Variants in SHROOM3 observed in about 807,000 individuals in gnomAD.
SHROOM3 encodes the protein protein Shroom3.
In SHROOM3, 47 loss-of-function variants were observed where a neutral mutation model predicts 138.6. That is an observed-to-expected ratio of 0.34 (90% CI 0.27 to 0.43). SHROOM3 has a LOEUF of 0.43. Ranked by LOEUF, SHROOM3 falls within the 20% of genes least tolerant of loss-of-function variation. The probability of loss-of-function intolerance (pLI) is 1.00; values close to 1 mark genes in which losing one functional copy is unlikely to be tolerated. For synonymous variants in SHROOM3, 1,062 were observed against 1,063.3 expected (o/e 1.00, Z 0.02); for missense variants, 2,491 against 2,596.5 (o/e 0.96, Z 0.88).
chr4:76,713,109 G>A (rs1263830526), intron 3 of SHROOM3, among the ~76,000 whole-genome samples: 1 of 152,220 alleles, frequency 6.6e-6, no homozygotes, highest in Non-Finnish European at 1.5e-5. Context: ...GAACGTGAAG[G>A]CCGGTACTGT....
chr4:76,757,157 C>T (rs1578023979), intron 8 of SHROOM3: 1 of 577,186 alleles, frequency 1.7e-6, no homozygotes, highest in Non-Finnish European at 3.0e-6. Flanking sequence ...TAATAATTGC[C>T]ATTAGTACCC....
At chr4:76,654,933 G>A (rs1417385250) in intron 2 of SHROOM3, among the ~76,000 whole-genome samples, 1 of 152,164 alleles carries the variant, frequency 6.6e-6, no homozygotes, top group East Asian at 1.9e-4. Context: ...CAGGATTTGA[G>A]ATCTATTTGA....
At chr4:76,772,348 C>T (rs1165015859) in intron 10 of SHROOM3, among the ~76,000 whole-genome samples, 1 of 152,116 alleles carries the variant, frequency 6.6e-6, no homozygotes, top group Non-Finnish European at 1.5e-5. Flanking sequence ...AGGTGATCCA[C>T]CTGCCTTGGC....
At chr4:76,612,635 G>A (rs965358981) in intron 2 of SHROOM3, among the ~76,000 whole-genome samples, 1 of 152,100 alleles carries the variant, frequency 6.6e-6, no homozygotes, top group African/African-American at 2.4e-5. Flanking sequence ...TTAGTTACAT[G>A]TTACAAATAC....
chr4:76,766,487 A>G (rs1722159703), intron 9 of SHROOM3, among the ~76,000 whole-genome samples: 1 of 152,232 alleles, frequency 6.6e-6, no homozygotes, highest in African/African-American at 2.4e-5. Context: ...ACTCGTATAA[A>G]TAGCATCTCA....
At chr4:76,639,747 C>A in intron 2 of SHROOM3, 1 of 396,128 alleles carries the variant, frequency 2.5e-6, no homozygotes, top group South Asian at 1.4e-4. Context: ...CAGCGTTACT[C>A]TTCCTTCCCC....
chr4:76,546,631 T>C (rs553120712), intron 1 of SHROOM3, among the ~76,000 whole-genome samples: 2 of 152,338 alleles, frequency 1.3e-5, no homozygotes, highest in East Asian at 3.9e-4. Flanking sequence ...CAAACGGCTT[T>C]GTTTGAGAGA....
chr4:76,446,160 G>A (rs1003889969), intron 1 of SHROOM3, among the ~76,000 whole-genome samples: 1 of 152,130 alleles, frequency 6.6e-6, no homozygotes, highest in South Asian at 2.1e-4. Flanking sequence ...TCCTATAGGT[G>A]GAGAGACTGG....
chr4:76,469,916 A>G (rs1731333475), intron 1 of SHROOM3, among the ~76,000 whole-genome samples: 1 of 152,122 alleles, frequency 6.6e-6, no homozygotes, highest in Non-Finnish European at 1.5e-5. Flanking sequence ...GAGATTTAAG[A>G]CGAAATATGT....
chr4:76,541,809 A>G (rs1007993721), intron 1 of SHROOM3, among the ~76,000 whole-genome samples: 1 of 152,096 alleles, frequency 6.6e-6, no homozygotes, highest in African/African-American at 2.4e-5. Flanking sequence ...GAGTTCAAAC[A>G]CCAGGAACAC....
At chr4:76,735,547 A>C in intron 4 of SHROOM3, among the ~76,000 whole-genome samples, 1 of 152,144 alleles carries the variant, frequency 6.6e-6, no homozygotes, top group African/African-American at 2.4e-5. Context: ...TCTATATTTT[A>C]AGATATGTTA....
intron 2 of SHROOM3, among the ~76,000 whole-genome samples, chr4:76,628,356 G>T (rs1029555850): frequency 2.6e-5 from 4 of 152,134 alleles, no homozygotes; most frequent in Non-Finnish European, 4.4e-5. Context: ...AGAGAGCAAG[G>T]TGTATCATTA....
rs191233427 is a variant in SHROOM3, at chr4:76,557,296, A to T, written c.323+1533A>T. Among the ~76,000 whole-genome samples, 59 of 151,546 alleles carry T rather than the reference A, an allele frequency of 3.9e-4. 2 individuals are homozygous for T. Among genetic ancestry groups the T allele is most frequent in the Admixed American group, 3.7e-3 (56 of 15,192 alleles). ...TTATCCAGCCATAAAAAAAGAAGGA[A>T]ATCTTGCCATTTGCAGCAATGTAGA... On this transcript the variant is annotated intron_variant, in intron 2 of 10. Transcript: ENST00000296043.
intron 1 of SHROOM3, among the ~76,000 whole-genome samples, chr4:76,523,614 T>C (rs1430110888): frequency 1.3e-5 from 2 of 152,258 alleles, no homozygotes; most frequent in Non-Finnish European, 2.9e-5. Flanking sequence ...ATTGCCTTTG[T>C]TCTTCAGGCT....
intron 1 of SHROOM3, among the ~76,000 whole-genome samples, chr4:76,510,833 G>T (rs1221706315): frequency 2.6e-5 from 4 of 152,192 alleles, no homozygotes. Context: ...TCCCTCATCA[G>T]TGAAGTGAAG....
intron 2 of SHROOM3, among the ~76,000 whole-genome samples, chr4:76,662,383 T>G (rs1262416186): frequency 6.6e-6 from 1 of 152,188 alleles, no homozygotes; most frequent in African/African-American, 2.4e-5. Context: ...ACACCCATCT[T>G]CAAGCCTGCA....
intron 2 of SHROOM3, among the ~76,000 whole-genome samples, chr4:76,674,188 A>G (rs11725012): frequency 0.059 from 8,922 of 152,182 alleles, 401 homozygotes; most frequent in Admixed American, 0.14. Flanking sequence ...TGTTGTTTGT[A>G]AATTAGAATT....
chr4:76,717,705 A>C (rs1720416790), intron 3 of SHROOM3, among the ~76,000 whole-genome samples: 1 of 152,146 alleles, frequency 6.6e-6, no homozygotes, highest in Non-Finnish European at 1.5e-5. Context: ...AACTGCTCTA[A>C]AAAAATTTTT....
At chr4:76,708,241 T>C (rs1218562971) in intron 2 of SHROOM3, among the ~76,000 whole-genome samples, 1 of 152,148 alleles carries the variant, frequency 6.6e-6, no homozygotes, top group East Asian at 1.9e-4. Flanking sequence ...TGCTTCCATC[T>C]CTTTCTGGTC....
Sources: allele counts gnomAD v4.1 joint callset (sites outside exome capture counted in the v4.1 genomes callset), GRCh38; gene constraint gnomAD v4.1.1; transcripts MANE v1.5; gene names NCBI Gene and HGNC (gene_info 2026-07-23, HGNC 2026-07-21).